The following RASGRF2 variants were observed in gnomAD, a reference collection of about 807,000 sequenced individuals.
RASGRF2 encodes Ras protein specific guanine nucleotide releasing factor 2.
A neutral mutation model predicts 151.0 loss-of-function variants in RASGRF2; 76 were observed. The observed-to-expected ratio is 0.50, with a 90% CI of 0.42 to 0.61. The LOEUF (loss-of-function observed/expected upper bound fraction) is 0.61. RASGRF2 is among the 20% of genes least tolerant of loss of function. RASGRF2 has a pLI of 0.00. For synonymous variants in RASGRF2, 504 were observed against 566.5 expected (o/e 0.89, Z 1.57); for missense variants, 1,148 against 1,564.6 (o/e 0.73, Z 4.49).
At chr5:80,983,303 C>G (rs1355580997) in intron 1 of RASGRF2, among the ~76,000 whole-genome samples, 1 of 152,342 alleles carries the variant, frequency 6.6e-6, no homozygotes, top group Middle Eastern at 3.4e-3. Context: ...ATGGTGGACT[C>G]TCCATCTGGG....
chr5:81,123,660 C>T lies in RASGRF2; in HGVS notation c.2489C>T (p.Pro830Leu). The T allele has an allele frequency of 6.2e-7, 1 of 1,613,884 alleles. No individual in the cohort carries two copies. Reference protein sequence around the residue: ...SIQKAVLESAPADRAGVESSP... With the variant: ...SIQKAVLESALADRAGVESSP... The stretch of plus-strand genomic sequence containing the variant: ...CAAGCAGCAGTCCTAGAGTCTGCAC[C>T]AGCGGACCGAGCAGGAGTGGAAAGC... The change falls in exon 16 of 27, where the codon CCA becomes CTA. Residue 830 changes from proline (P) to leucine (L), a missense_variant. This residue lies in a region of RASGRF2 where 646 missense variants were observed against 807.4 expected (regional missense o/e 0.80). Coordinates refer to ENST00000265080, the MANE Select transcript of RASGRF2 (RefSeq NM_006909.3).
At chr5:81,223,209 T>A (rs547406057) in intron 26 of RASGRF2, 4 of 152,334 alleles carry the variant, frequency 2.6e-5, no homozygotes, top group African/African-American at 7.2e-5. Flanking sequence ...AGGTTTTTCA[T>A]GGAACTTGAC....
In RASGRF2 at chr5:81,180,207, G is replaced by C. The variant is rs867389213; in HGVS notation, c.2719G>C (p.Glu907Gln). 20 of 1,612,274 alleles carry C rather than the reference G, an allele frequency of 1.2e-5. No homozygotes were observed. The highest frequency in any genetic ancestry group is 1.7e-5 in the Non-Finnish European group (20 of 1,178,476). Residue 907 changes from glutamate (E) to glutamine (Q), a missense_variant, in exon 18 of 27, where the codon GAG becomes CAG. By Grantham distance (29) the Glu-to-Gln change is conservative. This residue lies in a region of RASGRF2 where 646 missense variants were observed against 807.4 expected (regional missense o/e 0.80). Transcript: ENST00000265080. ...FNNTERTCDK[E>Q]FIIRRTATNR... is the part of the protein sequence containing the mutation. ...CAACACCGAGAGAACATGTGATAAA[G>C]AGTTTATTATACGGAGAACGGCTAC...
chr5:81,201,347 T>C lies in RASGRF2; in HGVS notation c.2811T>C (p.Asn937=), dbSNP rs771632099. The C allele has an allele frequency of 5.0e-6, 8 of 1,611,798 alleles. No individual in the cohort carries two copies. The highest frequency in any genetic ancestry group is 6.8e-6 in the Non-Finnish European group (8 of 1,179,426). ...SKHAQDFELN[N]ELKMNVLNLL... is the part of the protein sequence containing the mutation. ...TTTTACAGGATTTCGAACTCAACAA[T>C]GAACTAAAGATGAATGTCCTAAATT... Residue 937 remains asparagine (N), a synonymous_variant, in exon 19 of 27, where the codon AAT becomes AAC. Transcript: ENST00000265080.
At chr5:81,210,574 G>C (rs1755608802) in intron 22 of RASGRF2, among the ~76,000 whole-genome samples, 1 of 152,116 alleles carries the variant, frequency 6.6e-6, no homozygotes, top group South Asian at 2.1e-4. Context: ...GCCTATCCTA[G>C]ACCAAAGCAC....
intron 22 of RASGRF2, chr5:81,210,292 T>C (rs1289607381): frequency 6.6e-6 from 1 of 152,264 alleles, no homozygotes; most frequent in Non-Finnish European, 1.5e-5. Flanking sequence ...TCTCTTACGC[T>C]GTCTCTTCTG....
rs1232005054 is a variant in RASGRF2, at chr5:80,983,915, A to G, written c.288+22889A>G. Among the ~76,000 whole-genome samples the G allele has an allele frequency of 3.9e-5, 6 of 152,336 alleles. No individual in the cohort carries two copies. In the East Asian group the frequency reaches 1.2e-3, roughly 29 times the overall value. ...TTTTCATGTGGCCACTAGCAAATTC[A>G]AAATTACGTGCATGGCTTACATTTG... On this transcript the variant is annotated intron_variant, in intron 1 of 26. Transcript: ENST00000265080.
intron 1 of RASGRF2, among the ~76,000 whole-genome samples, chr5:81,029,332 G>A (rs558121387): frequency 2.0e-5 from 3 of 152,212 alleles, no homozygotes; most frequent in Non-Finnish European, 4.4e-5. Flanking sequence ...TGAGATCTGA[G>A]ACAGACAGAC....
chr5:80,990,299 G>T (rs1168230285), intron 1 of RASGRF2, among the ~76,000 whole-genome samples: 1 of 151,590 alleles, frequency 6.6e-6, no homozygotes, highest in African/African-American at 2.4e-5. Context: ...GTGTTGTTTA[G>T]TGGTGGCTTG....
chr5:81,186,561 GACAC>G (rs559512196), intron 18 of RASGRF2, among the ~76,000 whole-genome samples: 2 of 151,904 alleles, frequency 1.3e-5, no homozygotes, highest in African/African-American at 4.8e-5. Context: ...TATAAACACA[GACAC>G]ACACACGCGC....
rs533140793 is a variant in RASGRF2 at position 81,113,444 on chromosome 5, G to A, written c.2088-94G>A. The A allele has an allele frequency of 3.1e-5, 43 of 1,379,902 alleles. No individual in the cohort carries two copies. In the South Asian group the frequency reaches 5.0e-4, roughly 16 times the overall value. 85.5% of individuals were successfully genotyped at this position (1,379,902 alleles called of 1,614,324 possible). A position where few individuals can be genotyped will look rare whatever the true frequency, so the allele number is the denominator to read the frequency against. On this transcript the variant is annotated intron_variant, in intron 14 of 26. Transcript: ENST00000265080. ...AGCAATAGAAGTGCAATGAGATTGT[G>A]ACCTATAAATGAAGGGAACATGTTC...
At chr5:81,105,929 T>C (rs1176693099) in intron 12 of RASGRF2, among the ~76,000 whole-genome samples, 2 of 152,242 alleles carry the variant, frequency 1.3e-5, no homozygotes, top group Non-Finnish European at 2.9e-5. Flanking sequence ...TTTCATATAT[T>C]ACTTTTCTTC....
chr5:81,146,843 C>A (rs1162642686), intron 17 of RASGRF2, among the ~76,000 whole-genome samples: 7 of 152,178 alleles, frequency 4.6e-5, no homozygotes, highest in African/African-American at 1.4e-4. Context: ...AAGTGTTATT[C>A]TTTCCCACTC....
chr5:80,986,267 A>G (rs1342198346), intron 1 of RASGRF2, among the ~76,000 whole-genome samples: 2 of 152,240 alleles, frequency 1.3e-5, no homozygotes, highest in East Asian at 3.8e-4. Flanking sequence ...CTTTTAGATC[A>G]TTAAGACATT....
intron 1 of RASGRF2, chr5:80,997,648 A>G (rs1471578349): frequency 6.6e-6 from 1 of 152,210 alleles, no homozygotes; most frequent in African/African-American, 2.4e-5. Flanking sequence ...GAGATGTAAA[A>G]CATGGAAGAA....
chr5:81,179,914 G>A (rs2112674447), intron 17 of RASGRF2, among the ~76,000 whole-genome samples: 1 of 152,306 alleles, frequency 6.6e-6, no homozygotes, highest in South Asian at 2.1e-4. Flanking sequence ...TGTCAGGAGA[G>A]CAGCTTTAGC....
intron 1 of RASGRF2, among the ~76,000 whole-genome samples, chr5:80,994,908 A>C (rs1748784673): frequency 6.6e-6 from 1 of 152,186 alleles, no homozygotes; most frequent in South Asian, 2.1e-4. Context: ...GCACACATAT[A>C]CAGTTGTGTA....
At chr5:81,217,204 T>C in intron 24 of RASGRF2, 152 bp from the exon 25 acceptor site, 1 of 1,149,036 alleles carries the variant, frequency 8.7e-7, no homozygotes, top group South Asian at 1.8e-5. Context: ...TTTAAAATTC[T>C]GCGTATTATG....
At chr5:81,080,002 T>G in intron 5 of RASGRF2, 119 bp from the exon 6 acceptor site, 1 of 1,296,378 alleles carries the variant, frequency 7.7e-7, no homozygotes, top group Non-Finnish European at 1.0e-6. Context: ...TTGGGTATAG[T>G]TTGGAGGCCC....
Sources: allele counts gnomAD v4.1 joint callset (sites outside exome capture counted in the v4.1 genomes callset), GRCh38; gene constraint gnomAD v4.1.1; regional missense constraint gnomAD v4.1.1; transcripts MANE v1.5; gene names NCBI Gene and HGNC (gene_info 2026-07-23, HGNC 2026-07-21).